The following RFFL variants were observed in gnomAD, a reference collection of about 807,000 sequenced individuals.
RFFL encodes the protein E3 ubiquitin-protein ligase rififylin.
A neutral mutation model predicts 40.4 loss-of-function variants in RFFL; 16 were observed. That is an observed-to-expected ratio of 0.40 (90% CI 0.27 to 0.60). The LOEUF (loss-of-function observed/expected upper bound fraction) is 0.60. RFFL is among the 20% of genes least tolerant of loss of function. The probability of loss-of-function intolerance (pLI) is 0.47; values close to 1 mark genes in which losing one functional copy is unlikely to be tolerated. For synonymous variants in RFFL, 154 were observed against 167.9 expected (o/e 0.92, Z 0.64); for missense variants, 367 against 451.7 (o/e 0.81, Z 1.70).
intron 1 of RFFL, among the ~76,000 whole-genome samples, chr17:35,044,544 G>A (rs1407372169): frequency 6.6e-6 from 1 of 152,206 alleles, no homozygotes; most frequent in Non-Finnish European, 1.5e-5. Context: ...TATCTGGGAG[G>A]TGGAGGTTGC....
chr17:35,027,984 G>A (rs2091054887), intron 1 of RFFL, among the ~76,000 whole-genome samples: 1 of 150,432 alleles, frequency 6.6e-6, no homozygotes, highest in African/African-American at 2.5e-5. Context: ...AGTGACGGGA[G>A]ATCGTGCCAT....
intron 1 of RFFL, among the ~76,000 whole-genome samples, chr17:35,045,425 G>T (rs1328589572): frequency 1.3e-5 from 2 of 151,518 alleles, no homozygotes; most frequent in Non-Finnish European, 2.9e-5. Flanking sequence ...GTAGAGATGG[G>T]GTTTTACTAT....
chr17:35,027,854 G>A (rs368691553), intron 1 of RFFL, among the ~76,000 whole-genome samples: 7 of 151,642 alleles, frequency 4.6e-5, no homozygotes, highest in African/African-American at 1.5e-4. Flanking sequence ...CCAACATGGT[G>A]AAACCCTGTC....
chr17:35,032,187 A>C (rs2091089437), intron 1 of RFFL, among the ~76,000 whole-genome samples: 1 of 152,052 alleles, frequency 6.6e-6, no homozygotes, highest in African/African-American at 2.4e-5. Context: ...GTAGTAAACA[A>C]AGAGCCAAGA....
rs544446849 is a variant in RFFL, at chr17:35,075,095, T to C, written c.-9+14010A>G. ...GCAGAGGGACTTTCAAAAACATCTG[T>C]CCTCTCACTCCTGTTCCCCATCCCT... is the stretch of plus-strand genomic sequence containing the variant. On this transcript the variant is annotated intron_variant, in intron 1 of 6. Transcript: ENST00000315249. 3.9e-5 allele frequency among the ~76,000 whole-genome samples: 6 copies of C among 152,286 alleles called. No homozygotes were observed. In the South Asian group the frequency reaches 1.2e-3, roughly 32 times the overall value.
rs561231312 is a variant in RFFL at position 35,048,578 on chromosome 17, T to C, written c.-9+14998A>G. Among the ~76,000 whole-genome samples, 3 of 152,256 alleles carry C rather than the reference T, an allele frequency of 2.0e-5. No homozygotes were observed. In the South Asian group the frequency reaches 6.2e-4, roughly 32 times the overall value. ...CTTCTCAGAGGTGGTCAGAGTGGTT[T>C]ATCCTCCTTGCAGCCCCAGGCTGTT... On this transcript the variant is annotated intron_variant, in intron 1 of 6. Coordinates refer to ENST00000394597, the MANE Select transcript of RFFL (RefSeq NM_001017368.2).
intron 1 of RFFL, among the ~76,000 whole-genome samples, chr17:35,053,069 G>C (rs2091240908): frequency 1.3e-5 from 2 of 152,236 alleles, no homozygotes; most frequent in Non-Finnish European, 2.9e-5. Flanking sequence ...AGGTGGACTG[G>C]AGCCAGACTG....
At chr17:35,027,894 G>A (rs150553401) in intron 1 of RFFL, among the ~76,000 whole-genome samples, 20 of 152,092 alleles carry the variant, frequency 1.3e-4, no homozygotes, top group African/African-American at 3.6e-4. Context: ...TTAGCTGGGC[G>A]GGGTGGCAGG....
intron 5 of RFFL, among the ~76,000 whole-genome samples, chr17:35,015,473 G>C (rs9894074): frequency 0.025 from 3,825 of 152,328 alleles, 164 homozygotes; most frequent in African/African-American, 0.086. Flanking sequence ...CCTGACGACT[G>C]GAGAGAAGAC....
rs2091040605 is a variant in RFFL, at chr17:35,026,362, G to T, written c.180+12C>A. On this transcript the variant is annotated intron_variant, in intron 2 of 6. Coordinates refer to ENST00000394597, the MANE Select transcript of RFFL (RefSeq NM_001017368.2). ...CTGCAGTGGCAGAGCAGGCCAAGAAGTCAGCACTCACCTTCCTGGCCGTGT... is the reference window on the plus strand; with the variant it reads ...CTGCAGTGGCAGAGCAGGCCAAGAATTCAGCACTCACCTTCCTGGCCGTGT... 6.2e-7 allele frequency: 1 copy of T among 1,612,844 alleles called. No individual in the cohort carries two copies. The highest frequency in any genetic ancestry group is 1.1e-5 in the South Asian group (1 of 90,970).
rs2090931922 is a variant in RFFL at position 35,010,694 on chromosome 17, G to A, written c.*1274C>T. ...TTGAACCTGGGAGGTGGAGGTTGCAGTAAGCCAAGACTGTACCACTGCACT... is the reference window on the plus strand; with the variant it reads ...TTGAACCTGGGAGGTGGAGGTTGCAATAAGCCAAGACTGTACCACTGCACT... On this transcript the variant is annotated 3_prime_UTR_variant, in exon 7 of 7. Transcript: ENST00000394597. The A allele has an allele frequency of 6.7e-6, 1 of 149,100 alleles. No homozygotes were observed. Among genetic ancestry groups the A allele is most frequent in the South Asian group, 2.1e-4 (1 of 4,774 alleles). 9.2% of individuals were successfully genotyped at this position (149,100 alleles called of 1,614,324 possible).
chr17:35,075,925 T>G (rs1189071824), intron 1 of RFFL, among the ~76,000 whole-genome samples: 5 of 150,978 alleles, frequency 3.3e-5, no homozygotes, highest in Non-Finnish European at 7.4e-5. Context: ...CAGTATTTAG[T>G]CAAAAAGAGG....
At chr17:35,063,182 G>A (rs188408958) in intron 1 of RFFL, among the ~76,000 whole-genome samples, 11 of 152,192 alleles carry the variant, frequency 7.2e-5, no homozygotes, top group Admixed American at 7.2e-4. Context: ...CTGGCCGGGG[G>A]CCGTGGCTCA....
chr17:35,045,053 A>C (rs993575772), intron 1 of RFFL, among the ~76,000 whole-genome samples: 3 of 151,594 alleles, frequency 2.0e-5, no homozygotes, highest in Non-Finnish European at 4.4e-5. Context: ...AATCTTATAC[A>C]CTTCCTTATA....
chr17:35,046,040 AAGGACAG>A (rs1205745881), intron 1 of RFFL, among the ~76,000 whole-genome samples: 1 of 151,932 alleles, frequency 6.6e-6, no homozygotes, highest in Non-Finnish European at 1.5e-5. Context: ...AAAAAAAAAA[AAGGACAG>A]AAACTGCACA....
Position 35,021,395 on chromosome 17 carries a change from TG to T in RFFL, c.566del (p.Pro189GlnfsTer56). On this transcript the variant is annotated frameshift_variant, in exon 3 of 7. Transcript: ENST00000394597. LOFTEE classifies it high-confidence loss of function. ...SSSAQATSVP[P>X]AQVQENQQAN... ...CCTGCTGATTCTCCTGAACCTGGGC[TG>T]GGGGAACAGAGGTGGCTTGTGCAGA... 6.6e-7 allele frequency: 1 copy of T among 1,522,400 alleles called. No individual in the cohort carries two copies. The highest frequency in any genetic ancestry group is 8.8e-7 in the Non-Finnish European group (1 of 1,137,414). The allele number at this position is 1,522,400 out of a possible 1,614,324, so 94.3% of individuals were successfully genotyped here.
intron 1 of RFFL, among the ~76,000 whole-genome samples, chr17:35,046,806 G>T (rs2091202595): frequency 6.6e-6 from 1 of 152,176 alleles, no homozygotes; most frequent in South Asian, 2.1e-4. Flanking sequence ...TCACCCCTGG[G>T]GTCTGACCAA....
intron 3 of RFFL, chr17:35,018,983 C>T (rs902447552): frequency 6.6e-6 from 1 of 152,194 alleles, no homozygotes; most frequent in African/African-American, 2.4e-5. Context: ...AATAAAAATC[C>T]AAAACTAGTA....
upstream of RFFL, among the ~76,000 whole-genome samples, chr17:35,066,381 C>A (rs2091321211): frequency 1.3e-5 from 2 of 152,162 alleles, no homozygotes; most frequent in South Asian, 4.1e-4. Context: ...ATATCCATTT[C>A]TCAGGATTCT....
Sources: allele counts gnomAD v4.1 joint callset (sites outside exome capture counted in the v4.1 genomes callset), GRCh38; gene constraint gnomAD v4.1.1; transcripts MANE v1.5; gene names NCBI Gene and HGNC (gene_info 2026-07-23, HGNC 2026-07-21).